The following PIBF1 variants were observed in gnomAD, a reference collection of about 807,000 sequenced individuals.
PIBF1 encodes progesterone immunomodulatory binding factor 1.
In PIBF1, 90 loss-of-function variants were observed where a neutral mutation model predicts 112.5. The observed-to-expected ratio is 0.80, with a 90% confidence interval of 0.67 to 0.95. The LOEUF is 0.95. PIBF1 is among the 40% of genes least tolerant of loss of function. The probability of loss-of-function intolerance (pLI) is 0.00; values close to 1 mark genes in which losing one functional copy is unlikely to be tolerated. For missense variants in PIBF1, 915 were observed against 852.3 expected (o/e 1.07, Z -0.92); for synonymous variants, 301 against 288.6 (o/e 1.04, Z -0.44).
intron 7 of PIBF1, 25 bp downstream of exon 7, chr13:72,827,143 AT>A: frequency 2.5e-6 from 3 of 1,223,874 alleles, no homozygotes; most frequent in Non-Finnish European, 2.3e-6. Flanking sequence ...AGAGTCACTT[AT>A]ATTATATAGC....
chr13:72,927,968 T>TACAC lies in PIBF1; in HGVS notation c.1731-3196_1731-3195insCACA, dbSNP rs1198748743. On this transcript the variant is annotated intron_variant, in intron 13 of 17. Coordinates refer to ENST00000326291, the MANE Select transcript of PIBF1 (RefSeq NM_006346.4). ...GTGTATATATATATATACACATATA[T>TACAC]ATATATATACATATATATATACACA... Among the ~76,000 whole-genome samples, 8 of 122,474 alleles carry TACAC rather than the reference T, an allele frequency of 6.5e-5. 1 individual carries two copies. The highest frequency in any genetic ancestry group is 5.7e-4 in the South Asian group (2 of 3,534). The allele number at this position is 122,474 out of a possible 152,430, so 80.3% of individuals were successfully genotyped here. A position where few individuals can be genotyped will look rare whatever the true frequency, so the allele number is the denominator to read the frequency against.
intron 17 of PIBF1, among the ~76,000 whole-genome samples, chr13:73,000,447 A>G (rs2043821587): frequency 6.6e-6 from 1 of 152,164 alleles, no homozygotes; most frequent in Admixed American, 6.5e-5. Context: ...GGCTGCCCTT[A>G]ATGGTGAGCA....
chr13:72,788,589 GAGA>G (rs1487982125), intron 2 of PIBF1, among the ~76,000 whole-genome samples: 2 of 152,176 alleles, frequency 1.3e-5, no homozygotes, highest in Non-Finnish European at 2.9e-5. Context: ...TGGTAATAAG[GAGA>G]AGGATAGTGG....
intron 4 of PIBF1, among the ~76,000 whole-genome samples, chr13:72,796,194 T>C (rs1234943608): frequency 6.6e-6 from 1 of 152,130 alleles, no homozygotes; most frequent in Non-Finnish European, 1.5e-5. Flanking sequence ...TCATATGTCA[T>C]GTAGCCACTG....
At chr13:72,949,978 A>G (rs374885946) in intron 14 of PIBF1, among the ~76,000 whole-genome samples, 9 of 152,240 alleles carry the variant, frequency 5.9e-5, no homozygotes, top group Admixed American at 5.2e-4. Flanking sequence ...TGACTGTTGT[A>G]TAAATATCCA....
At chr13:72,912,323 C>T (rs112575764) in intron 12 of PIBF1, among the ~76,000 whole-genome samples, 67 of 152,050 alleles carry the variant, frequency 4.4e-4, no homozygotes, top group African/African-American at 1.6e-3. Flanking sequence ...ATTCATGTAA[C>T]TCAGTGATTA....
At position 72,929,077 on chromosome 13, in the gene PIBF1, T is replaced by TA. The variant is rs1663546364; in HGVS notation, c.1731-2087dup. ...ACCTTCAACATATTTATTGAAAAATTACCATGTTTAAGTGACCCTAGTGTG... is the reference window on the plus strand; with the variant it reads ...ACCTTCAACATATTTATTGAAAAATTAACCATGTTTAAGTGACCCTAGTGTG... On this transcript the variant is annotated intron_variant, in intron 13 of 17. Transcript: ENST00000326291. 1.3e-5 allele frequency among the ~76,000 whole-genome samples: 2 copies of TA among 152,178 alleles called. 1 individual carries two copies. Among genetic ancestry groups the TA allele is most frequent in the South Asian group, 4.1e-4 (2 of 4,836 alleles).
Position 72,908,794 on chromosome 13 carries a change from A to G in PIBF1, c.1639+113A>G, listed in dbSNP as rs1450597590. 1.2e-5 allele frequency: 11 copies of G among 913,184 alleles called. No homozygotes were observed. In the Admixed American group the frequency reaches 1.3e-4, roughly 11 times the overall value. The allele number at this position is 913,184 out of a possible 1,614,324, so 56.6% of individuals were successfully genotyped here. On this transcript the variant is annotated intron_variant, in intron 12 of 17. Transcript: ENST00000326291. ...TCAGGCACGGTGGCTCATGCCTGTA[A>G]TCTTAGCACTTTGGGCGGCCAAGGT...
chr13:72,979,370 A>G (rs749489741), intron 16 of PIBF1, among the ~76,000 whole-genome samples: 2 of 152,172 alleles, frequency 1.3e-5, no homozygotes, highest in Non-Finnish European at 2.9e-5. Flanking sequence ...TATATATTTT[A>G]TCCACGTGTC....
intron 16 of PIBF1, among the ~76,000 whole-genome samples, chr13:72,986,852 G>A (rs1043308338): frequency 5.3e-5 from 8 of 151,866 alleles, no homozygotes; most frequent in African/African-American, 1.2e-4. Flanking sequence ...CACCGCGCCC[G>A]GCTAATTTTT....
chr13:72,784,275 T>A (rs1408988729), intron 2 of PIBF1, among the ~76,000 whole-genome samples: 3 of 123,970 alleles, frequency 2.4e-5, no homozygotes, highest in African/African-American at 3.1e-5. Flanking sequence ...CAGCTCTACT[T>A]AAAAAAAAAA....
At chr13:72,966,309 C>T (rs1268857053) in intron 15 of PIBF1, among the ~76,000 whole-genome samples, 1 of 151,978 alleles carries the variant, frequency 6.6e-6, no homozygotes, top group Non-Finnish European at 1.5e-5. Context: ...CATTTCTACC[C>T]CACCAAAATA....
At chr13:72,849,494 A>T (rs1456673743) in intron 9 of PIBF1, among the ~76,000 whole-genome samples, 2 of 152,230 alleles carry the variant, frequency 1.3e-5, no homozygotes, top group East Asian at 1.9e-4. Context: ...ATTACTTATT[A>T]TATGAAAGTT....
chr13:72,956,641 G>T (rs1458785426), intron 14 of PIBF1, among the ~76,000 whole-genome samples: 1 of 152,154 alleles, frequency 6.6e-6, no homozygotes, highest in Non-Finnish European at 1.5e-5. Flanking sequence ...CTCTCGTCCT[G>T]TAACTCTGAT....
chr13:72,800,101 T>C (rs1351279089), intron 5 of PIBF1, among the ~76,000 whole-genome samples: 1 of 152,260 alleles, frequency 6.6e-6, no homozygotes, highest in African/African-American at 2.4e-5. Context: ...AGTGGTGCCA[T>C]GTCTGCTCAT....
At position 72,889,025 on chromosome 13, in the gene PIBF1, C is replaced by A. The variant is rs1176825872; in HGVS notation, c.1323-4759C>A. Among the ~76,000 whole-genome samples the A allele has an allele frequency of 3.3e-5, 5 of 151,666 alleles. No homozygotes were observed. The East Asian group carries it at 9.7e-4, about 29-fold the overall frequency. ...CACCAGCCTGGGCGACATAGTGAGA[C>A]CCTGTATCTACAAAAAATACAAAAA... On this transcript the variant is annotated intron_variant, in intron 10 of 17. Coordinates refer to ENST00000326291, the MANE Select transcript of PIBF1 (RefSeq NM_006346.4).
chr13:72,815,326 T>G (rs977355412), intron 5 of PIBF1, among the ~76,000 whole-genome samples: 23 of 152,196 alleles, frequency 1.5e-4, no homozygotes, highest in African/African-American at 5.3e-4. Flanking sequence ...CATTAACGTA[T>G]CAGATGCAAC....
intron 2 of PIBF1, among the ~76,000 whole-genome samples, chr13:72,786,497 A>T (rs1398057552): frequency 6.6e-6 from 1 of 152,246 alleles, no homozygotes; most frequent in South Asian, 2.1e-4. Flanking sequence ...TTTCCTACTC[A>T]GCACTGTTTT....
At chr13:72,973,024 T>C (rs2042935784) in intron 15 of PIBF1, among the ~76,000 whole-genome samples, 1 of 152,254 alleles carries the variant, frequency 6.6e-6, no homozygotes, top group African/African-American at 2.4e-5. Flanking sequence ...TAGTAGTAAA[T>C]AGTCATCTTT....
Sources: gnomAD v4.1 joint callset for allele counts (sites outside exome capture counted in the v4.1 genomes callset) on GRCh38, gnomAD v4.1.1 for gene constraint, MANE v1.5 for transcripts, NCBI Gene and HGNC (gene_info 2026-07-23, HGNC 2026-07-21) for gene names.